FMNL3: variants seen among roughly 807,000 people sequenced by gnomAD.
FMNL3 encodes formin-like protein 3.
In FMNL3, 57 loss-of-function variants were observed where a neutral mutation model predicts 119.6. The ratio of observed to expected loss-of-function variants is 0.48; its 90% CI spans 0.39 to 0.59. FMNL3 has a LOEUF of 0.59. FMNL3 is among the 20% of genes least tolerant of loss of function. The probability of loss-of-function intolerance (pLI) is 0.00; values close to 1 mark genes in which losing one functional copy is unlikely to be tolerated. For missense variants in FMNL3, 1,053 were observed against 1,323.5 expected (o/e 0.80, Z 3.17); for synonymous variants, 491 against 507.3 (o/e 0.97, Z 0.43).
chr12:49,652,746 G>A (rs1283358969), intron 13 of FMNL3, among the ~76,000 whole-genome samples: 1 of 152,204 alleles, frequency 6.6e-6, no homozygotes, highest in Admixed American at 6.5e-5. Flanking sequence ...GAGAAAGTAG[G>A]ATGGGGGCAT....
intron 1 of FMNL3, among the ~76,000 whole-genome samples, chr12:49,682,072 CTTT>C (rs1265176099): frequency 2.9e-5 from 4 of 138,992 alleles, no homozygotes; most frequent in Non-Finnish European, 4.7e-5. Flanking sequence ...CAATTTCAAC[CTTT>C]TTTTTTTTTT....
chr12:49,701,307 A>G (rs1944904948), intron 1 of FMNL3, among the ~76,000 whole-genome samples: 1 of 152,122 alleles, frequency 6.6e-6, no homozygotes, highest in South Asian at 2.1e-4. Context: ...TACCTAATAA[A>G]TATTTATTAT....
intron 4 of FMNL3, among the ~76,000 whole-genome samples, chr12:49,662,421 C>A (rs1395587359): frequency 6.6e-6 from 1 of 152,224 alleles, no homozygotes; most frequent in East Asian, 1.9e-4. Flanking sequence ...GCATTTACTA[C>A]AGGCCCGTGT....
chr12:49,647,607 G>A lies in FMNL3; in HGVS notation c.2778+96C>T. On this transcript the variant is annotated intron_variant, in intron 23 of 25. Transcript: ENST00000335154. The surrounding 1 kb of genome is among the most constrained non-coding windows in gnomAD (Gnocchi z 4.9). Reference sequence around the variant, plus strand: ...ATCGCTCCCTTCCCAGGACTCGGAGGAGGAGTCGGAAAAGGCCCATACTTT... The same window carrying A: ...ATCGCTCCCTTCCCAGGACTCGGAGAAGGAGTCGGAAAAGGCCCATACTTT... 16 of 1,139,826 alleles carry A rather than the reference G, an allele frequency of 1.4e-5. No homozygotes were observed. Among genetic ancestry groups the A allele is most frequent in the South Asian group, 8.1e-5 (6 of 73,672 alleles). The allele number at this position is 1,139,826 out of a possible 1,614,324, so 70.6% of individuals were successfully genotyped here. A position where few individuals can be genotyped will look rare whatever the true frequency, so the allele number is the denominator to read the frequency against.
rs1302304982 is a variant in FMNL3, at chr12:49,650,706, G to A, written c.1970C>T (p.Ser657Leu). The A allele has an allele frequency of 1.2e-6, 2 of 1,613,838 alleles. No homozygotes were observed. The highest frequency in any genetic ancestry group is 1.1e-5 in the South Asian group (1 of 91,060). The stretch of plus-strand genomic sequence containing the variant: ...AATGGCCCTGCAGATCTCCTCAGCC[G>A]AGCGGCCAGCCTTGCGTAGGGTGAT... ...LAITLRKAGR[S>L]AEEICRAIHT... The change falls in exon 17 of 26, where the codon TCG (serine) becomes TTG (leucine). Residue 657 changes from serine (S) to leucine (L), a missense_variant. By Grantham distance (145) the Ser-to-Leu change is moderately radical. Around this residue, in one of 4 missense-constraint regions of FMNL3, gnomAD observed 445 missense variants for 628.4 expected, o/e 0.71. Transcript: ENST00000335154.
chr12:49,646,361 C>T (rs1943186097), intron 25 of FMNL3, among the ~76,000 whole-genome samples: 1 of 152,204 alleles, frequency 6.6e-6, no homozygotes, highest in African/African-American at 2.4e-5. Flanking sequence ...CCTGCCTGCT[C>T]TGGCCTGTTC....
Position 49,641,709 on chromosome 12 carries a change from C to G in FMNL3, c.*4106G>C, listed in dbSNP as rs1234319248. The G allele has an allele frequency of 1.7e-6, 1 of 583,506 alleles. No homozygotes were observed. 36.1% of individuals were successfully genotyped at this position (583,506 alleles called of 1,614,324 possible). ...CAACCCCTTCAGCTCTGTGTGACAT[C>G]CAAACCAAGGGTAGGCATGGGGGCT... On this transcript the variant is annotated 3_prime_UTR_variant, in exon 26 of 26. Coordinates refer to ENST00000335154, the MANE Select transcript of FMNL3 (RefSeq NM_175736.5).
intron 1 of FMNL3, among the ~76,000 whole-genome samples, chr12:49,706,148 A>C (rs79636319): frequency 6.6e-6 from 1 of 152,232 alleles, no homozygotes; most frequent in Non-Finnish European, 1.5e-5. Context: ...CAGCGCAAAC[A>C]TATTTTCTGG....
At chr12:49,668,603 A>G (rs1943955103) in intron 1 of FMNL3, 49 bp from the exon 2 acceptor site, 1 of 1,560,930 alleles carries the variant, frequency 6.4e-7, no homozygotes, top group Non-Finnish European at 8.8e-7. Context: ...CCTCATCTGG[A>G]AAAGAGAAAG....
In FMNL3 at chr12:49,643,884, C is replaced by G; in HGVS notation, c.*1931G>C. ...AGAATAGTCCTGAGAGTGAGACAGACCCTGAGGAGAAAGCTGGCAAGGAGA... is the reference window on the plus strand; with the variant it reads ...AGAATAGTCCTGAGAGTGAGACAGAGCCTGAGGAGAAAGCTGGCAAGGAGA... On this transcript the variant is annotated 3_prime_UTR_variant, in exon 26 of 26. Transcript: ENST00000335154. The G allele has an allele frequency of 6.2e-7, 1 of 1,614,070 alleles. No individual in the cohort carries two copies. The highest frequency in any genetic ancestry group is 1.6e-4 in the Middle Eastern group (1 of 6,062).
intron 1 of FMNL3, among the ~76,000 whole-genome samples, chr12:49,670,181 G>A (rs1324458422): frequency 6.6e-6 from 1 of 152,232 alleles, no homozygotes; most frequent in Non-Finnish European, 1.5e-5. Context: ...CATGAACTGT[G>A]TGCATCCAGG....
intron 1 of FMNL3, among the ~76,000 whole-genome samples, chr12:49,703,033 G>A (rs1416405784): frequency 6.6e-6 from 1 of 152,160 alleles, no homozygotes; most frequent in Non-Finnish European, 1.5e-5. Context: ...AGGGAAATGT[G>A]AGAGGAGAAA....
Position 49,645,768 on chromosome 12 carries a change from AC to A in FMNL3, c.*46del, listed in dbSNP as rs1217749343. 1.1e-5 allele frequency: 17 copies of A among 1,529,448 alleles called. No individual in the cohort carries two copies. Among genetic ancestry groups the A allele is most frequent in the Non-Finnish European group, 1.5e-5 (17 of 1,125,518 alleles). The allele number at this position is 1,529,448 out of a possible 1,614,324, so 94.7% of individuals were successfully genotyped here. On this transcript the variant is annotated 3_prime_UTR_variant, in exon 26 of 26. Transcript: ENST00000335154. ...GGCCAATTCCAGGTCCACTGGTTGG[AC>A]TTGTAGGACTCTGAGGGGTGAAGTG...
chr12:49,675,971 A>G (rs936005476), intron 1 of FMNL3, among the ~76,000 whole-genome samples: 26 of 151,932 alleles, frequency 1.7e-4, no homozygotes, highest in South Asian at 1.7e-3. Context: ...CCATTCCTTA[A>G]CCCTAGGATT....
At chr12:49,705,681 T>C (rs1243215441) in intron 1 of FMNL3, among the ~76,000 whole-genome samples, 1 of 152,192 alleles carries the variant, frequency 6.6e-6, no homozygotes, top group East Asian at 1.9e-4. Flanking sequence ...AATCACTGAC[T>C]CACCCGATCC....
rs543786866 is a variant in FMNL3, at chr12:49,642,801, T to C, written c.*3014A>G. ...CTGGCCAGCTAAGGAAGGGGAGGCC[T>C]GAGGATCCCTGGGATAGGCAGAAGG... On this transcript the variant is annotated 3_prime_UTR_variant, in exon 26 of 26. Transcript: ENST00000335154. The surrounding 1 kb of genome is among the most constrained non-coding windows in gnomAD (Gnocchi z 5.8). 8.4e-6 allele frequency: 12 copies of C among 1,422,050 alleles called. No homozygotes were observed. The highest frequency in any genetic ancestry group is 1.8e-4 in the Middle Eastern group (1 of 5,592). 88.1% of individuals were successfully genotyped at this position (1,422,050 alleles called of 1,614,324 possible).
In FMNL3 at chr12:49,640,419, G is replaced by C. The variant is rs1483906544; in HGVS notation, c.*5396C>G. ...ATGCAAGAGAATAAAAGGTCAGAGA[G>C]GGTGTGACCTGGAGAGGGGAGTGTT... On this transcript the variant is annotated 3_prime_UTR_variant, in exon 26 of 26. Transcript: ENST00000335154. 1 of 152,264 alleles carries C rather than the reference G, an allele frequency of 6.6e-6. No homozygotes were observed. The highest frequency in any genetic ancestry group is 1.5e-5 in the Non-Finnish European group (1 of 68,078). The allele number at this position is 152,264 out of a possible 1,614,324, so 9.4% of individuals were successfully genotyped here. A position where few individuals can be genotyped will look rare whatever the true frequency, so the allele number is the denominator to read the frequency against.
intron 1 of FMNL3, among the ~76,000 whole-genome samples, chr12:49,681,174 T>C (rs950708924): frequency 2.6e-5 from 4 of 152,244 alleles, no homozygotes; most frequent in African/African-American, 9.6e-5. Flanking sequence ...GGACACAACC[T>C]AGTGACAAAT....
chr12:49,643,741 A>C lies in FMNL3; in HGVS notation c.*2074T>G, dbSNP rs763460376. On this transcript the variant is annotated 3_prime_UTR_variant, in exon 26 of 26. Transcript: ENST00000335154. ...ACCAAAAAAGAAAACTAAGAAGAGAAGACACAAGTCGGTGAGTGAAGGAAC... is the reference window on the plus strand; with the variant it reads ...ACCAAAAAAGAAAACTAAGAAGAGACGACACAAGTCGGTGAGTGAAGGAAC... 9.9e-6 allele frequency: 16 copies of C among 1,614,174 alleles called. No individual in the cohort carries two copies. Among genetic ancestry groups the C allele is most frequent in the Non-Finnish European group, 1.4e-5 (16 of 1,180,024 alleles).
Sources: gnomAD v4.1 joint callset for allele counts (sites outside exome capture counted in the v4.1 genomes callset) on GRCh38, gnomAD v4.1.1 for gene constraint, gnomAD v4.1.1 regional missense constraint, Gnocchi (gnomAD v3.1) non-coding constraint, MANE v1.5 for transcripts, NCBI Gene and HGNC (gene_info 2026-07-23, HGNC 2026-07-21) for gene names.